The following HECW1 variants were observed in gnomAD, a reference collection of about 807,000 sequenced individuals.
HECW1 encodes the protein HECT, C2 and WW domain containing E3 ubiquitin protein ligase 1, also known as E3 ubiquitin-protein ligase HECW1.
Under a neutral mutation model 182.3 loss-of-function variants are expected in HECW1, and 61 were observed. The observed-to-expected ratio is 0.33, with a 90% CI of 0.27 to 0.41. The LOEUF (loss-of-function observed/expected upper bound fraction) is 0.41. HECW1 is among the 10% of genes least tolerant of loss of function. HECW1 has a pLI of 1.00. For missense variants in HECW1, 1,739 were observed against 2,108.9 expected, an observed-to-expected ratio of 0.82 and a Z score of 3.44; for synonymous variants, 859 against 832.6, an observed-to-expected ratio of 1.03 and a Z score of -0.55.
intron 23 of HECW1, 188 bp from the exon 24 acceptor site, chr7:43,508,781 C>G (rs2079715508): frequency 1.6e-6 from 1 of 630,282 alleles, no homozygotes. Flanking sequence ...CATCTCCAAA[C>G]CAATTACTGC....
intron 26 of HECW1, among the ~76,000 whole-genome samples, 175 bp downstream of exon 26, chr7:43,542,173 C>T (rs2081385664): frequency 6.6e-6 from 1 of 151,900 alleles, no homozygotes; most frequent in Non-Finnish European, 1.5e-5. Context: ...AGAAACTGTA[C>T]CCATTAAACA....
At chr7:43,178,493 C>G (rs1284313412) in intron 2 of HECW1, among the ~76,000 whole-genome samples, 2 of 152,158 alleles carry the variant, frequency 1.3e-5, no homozygotes, top group Non-Finnish European at 2.9e-5. Context: ...AAAGAAAGTG[C>G]CAAATATCAA....
chr7:43,350,299 T>C (rs974741592), intron 5 of HECW1, among the ~76,000 whole-genome samples: 1 of 152,188 alleles, frequency 6.6e-6, no homozygotes, highest in Admixed American at 6.5e-5. Flanking sequence ...CTTAAGATTC[T>C]TTCCTTCATC....
At chr7:43,184,013 TA>T (rs970695372) in intron 2 of HECW1, among the ~76,000 whole-genome samples, 2 of 151,432 alleles carry the variant, frequency 1.3e-5, no homozygotes, top group African/African-American at 4.9e-5. Flanking sequence ...CTTTTATTAT[TA>T]TTATTATTTT....
chr7:43,404,842 G>T (rs974315958), intron 7 of HECW1, among the ~76,000 whole-genome samples: 2 of 152,102 alleles, frequency 1.3e-5, no homozygotes, highest in African/African-American at 4.8e-5. Context: ...CAGGGGTGGT[G>T]GTGAGTACCT....
chr7:43,407,284 G>A (rs116621839), intron 7 of HECW1, among the ~76,000 whole-genome samples: 5 of 152,060 alleles, frequency 3.3e-5, no homozygotes, highest in East Asian at 1.9e-4. Context: ...CACATATATC[G>A]TGAGACTACA....
intron 6 of HECW1, among the ~76,000 whole-genome samples, chr7:43,387,423 T>C (rs922052250): frequency 1.3e-5 from 2 of 152,236 alleles, no homozygotes; most frequent in African/African-American, 4.8e-5. Context: ...AAGTTTTAAA[T>C]ACTTTTTACA....
At chr7:43,466,223 G>C (rs1056716160) in intron 14 of HECW1, among the ~76,000 whole-genome samples, 8 of 152,194 alleles carry the variant, frequency 5.3e-5, no homozygotes, top group Non-Finnish European at 1.2e-4. Context: ...TGTGATAAAA[G>C]GGAAGAGATG....
intron 22 of HECW1, 60 bp downstream of exon 22, chr7:43,507,317 C>T (rs1292679590): frequency 6.5e-7 from 1 of 1,532,974 alleles, no homozygotes; most frequent in Admixed American, 1.8e-5. Context: ...CCCTTTCTCC[C>T]CTACACCCTT....
At chr7:43,327,882 G>C (rs1251009373) in intron 5 of HECW1, among the ~76,000 whole-genome samples, 1 of 152,154 alleles carries the variant, frequency 6.6e-6, no homozygotes, top group East Asian at 1.9e-4. Context: ...TAAAGAGCAA[G>C]ATTAAAGGCA....
At chr7:43,475,509 G>A (rs1038480884) in intron 16 of HECW1, among the ~76,000 whole-genome samples, 2 of 152,140 alleles carry the variant, frequency 1.3e-5, no homozygotes, top group African/African-American at 4.8e-5. Context: ...AGTTGATTAA[G>A]AAGTGTTTTT....
At chr7:43,238,520 A>G (rs1219296765) in intron 2 of HECW1, among the ~76,000 whole-genome samples, 1 of 152,216 alleles carries the variant, frequency 6.6e-6, no homozygotes, top group Admixed American at 6.5e-5. Context: ...CAGTCTATCT[A>G]CAAACAAGGA....
At chr7:43,274,768 C>T (rs1259353926) in intron 3 of HECW1, among the ~76,000 whole-genome samples, 2 of 151,976 alleles carry the variant, frequency 1.3e-5, no homozygotes, top group Non-Finnish European at 2.9e-5. Context: ...TATGGTGTAC[C>T]AGCCAATGTG....
intron 2 of HECW1, among the ~76,000 whole-genome samples, chr7:43,195,652 C>G (rs1794391117): frequency 6.6e-6 from 1 of 152,110 alleles, no homozygotes; most frequent in Non-Finnish European, 1.5e-5. Flanking sequence ...CTTTTGACAC[C>G]ATTGTGAGAA....
chr7:43,326,876 C>A (rs2152786584), intron 5 of HECW1, among the ~76,000 whole-genome samples: 1 of 152,382 alleles, frequency 6.6e-6, no homozygotes, highest in South Asian at 2.1e-4. Context: ...TGCGGCGAAG[C>A]AGCCAGAGCC....
intron 5 of HECW1, among the ~76,000 whole-genome samples, chr7:43,340,894 G>C (rs915466702): frequency 6.6e-6 from 1 of 151,722 alleles, no homozygotes; most frequent in African/African-American, 2.4e-5. Context: ...CAATAGCAAA[G>C]ACTTGGAACC....
At chr7:43,413,514 C>T (rs1170709185) in intron 8 of HECW1, among the ~76,000 whole-genome samples, 1 of 27,306 alleles carries the variant, frequency 3.7e-5, no homozygotes, top group Non-Finnish European at 6.6e-5. Context: ...GTGTTTTGGA[C>T]ATGAAGTCCT....
intron 9 of HECW1, chr7:43,439,756 C>G (rs901269605): frequency 6.6e-6 from 1 of 152,292 alleles, no homozygotes; most frequent in Non-Finnish European, 1.5e-5. Context: ...CTCCAAGCCT[C>G]CCACTGTGGA....
At chr7:43,419,018 C>T (rs1161217061) in intron 8 of HECW1, among the ~76,000 whole-genome samples, 1 of 152,198 alleles carries the variant, frequency 6.6e-6, no homozygotes, top group Non-Finnish European at 1.5e-5. Context: ...TAAGCCCTAA[C>T]TGCAAACTGA....
Sources: gnomAD v4.1 joint callset for allele counts (sites outside exome capture counted in the v4.1 genomes callset) on GRCh38, gnomAD v4.1.1 for gene constraint, MANE v1.5 for transcripts, NCBI Gene and HGNC (gene_info 2026-07-23, HGNC 2026-07-21) for gene names.